The following FAM184B variants were observed in gnomAD, a reference collection of about 807,000 sequenced individuals.
FAM184B encodes the protein family with sequence similarity 184 member B.
Under a neutral mutation model 135.9 loss-of-function variants are expected in FAM184B, and 111 were observed. The ratio of observed to expected loss-of-function variants is 0.82; its 90% CI spans 0.70 to 0.96. FAM184B has a LOEUF of 0.96. Among genes scored for constraint, FAM184B ranks in the 40% least tolerant of loss-of-function variants. FAM184B has a pLI of 0.00. For synonymous variants in FAM184B, 552 were observed against 524.8 expected (o/e 1.05, Z -0.71); for missense variants, 1,375 against 1,323.9 (o/e 1.04, Z -0.60).
intron 9 of FAM184B, among the ~76,000 whole-genome samples, chr4:17,659,734 C>T (rs1715869201): frequency 6.6e-6 from 1 of 152,196 alleles, no homozygotes; most frequent in Non-Finnish European, 1.5e-5. Context: ...GATCTGCCCC[C>T]CTCGGCCTCC....
At chr4:17,708,733 TG>T (rs1717177050) in intron 2 of FAM184B, among the ~76,000 whole-genome samples, 158 bp downstream of exon 2, 2 of 132,012 alleles carry the variant, frequency 1.5e-5, no homozygotes, top group South Asian at 4.9e-4. Context: ...TGTGTGTGTG[TG>T]TGTGTGTGTA....
intron 1 of FAM184B, among the ~76,000 whole-genome samples, chr4:17,762,742 A>G (rs1718574387): frequency 6.6e-6 from 1 of 152,192 alleles, no homozygotes; most frequent in South Asian, 2.1e-4. Flanking sequence ...ATACATCAAA[A>G]TGCCTATAAG....
At chr4:17,678,106 G>A (rs1030180689) in intron 7 of FAM184B, among the ~76,000 whole-genome samples, 1 of 152,072 alleles carries the variant, frequency 6.6e-6, no homozygotes, top group Non-Finnish European at 1.5e-5. Context: ...CCTAAGAACT[G>A]GAACAAAACA....
chr4:17,676,334 C>A (rs149419042), intron 7 of FAM184B, among the ~76,000 whole-genome samples: 1 of 152,116 alleles, frequency 6.6e-6, no homozygotes, highest in Admixed American at 6.6e-5. Context: ...CCATCTTCTA[C>A]GGGCATGGTT....
intron 8 of FAM184B, among the ~76,000 whole-genome samples, chr4:17,662,857 C>T (rs1715951138): frequency 6.6e-6 from 1 of 152,220 alleles, no homozygotes; most frequent in African/African-American, 2.4e-5. Flanking sequence ...AATGGTGTCT[C>T]ACTGTGGTGG....
chr4:17,739,555 G>GTTTTTTTTTTTGTT lies in FAM184B; in HGVS notation c.142-29912_142-29911insAACAAAAAAAAAAA, dbSNP rs1553841418. On this transcript the variant is annotated intron_variant, in intron 1 of 17. Transcript: ENST00000265018. ...CCCTACACCATATGTCATACCAACT[G>GTTTTTTTTTTTGTT]TTTTTTTTTTTTTTTTGAGATGGGG... Among the ~76,000 whole-genome samples, 13 of 62,510 alleles carry GTTTTTTTTTTTGTT rather than the reference G, an allele frequency of 2.1e-4. 2 individuals are homozygous for GTTTTTTTTTTTGTT. Among genetic ancestry groups the GTTTTTTTTTTTGTT allele is most frequent in the Admixed American group, 6.3e-4 (2 of 3,174 alleles). 41.0% of individuals were successfully genotyped at this position (62,510 alleles called of 152,430 possible). A position where few individuals can be genotyped will look rare whatever the true frequency, so the allele number is the denominator to read the frequency against.
At chr4:17,750,678 T>C (rs1718271014) in intron 1 of FAM184B, among the ~76,000 whole-genome samples, 1 of 152,218 alleles carries the variant, frequency 6.6e-6, no homozygotes, top group Non-Finnish European at 1.5e-5. Flanking sequence ...GTCTAAGAAT[T>C]ACCGTTCTAA....
In FAM184B at chr4:17,742,434, G is replaced by A. The variant is rs186755822; in HGVS notation, c.142-32790C>T. ...GAGTGACAGAGCAATGATAACAGAA[G>A]GGCTGGGGTCCCAGCTAAACCCCAC... On this transcript the variant is annotated intron_variant, in intron 1 of 17. Transcript: ENST00000265018. Among the ~76,000 whole-genome samples the A allele has an allele frequency of 5.1e-3, 769 of 152,154 alleles. 4 individuals carry two copies. Among genetic ancestry groups the A allele is most frequent in the African/African-American group, 0.018 (741 of 41,520 alleles).
At position 17,728,032 on chromosome 4, in the gene FAM184B, C is replaced by T. The variant is rs1022493578; in HGVS notation, c.142-18388G>A. 2.6e-5 allele frequency among the ~76,000 whole-genome samples: 4 copies of T among 152,090 alleles called. No homozygotes were observed. In the South Asian group the frequency reaches 6.2e-4, roughly 24 times the overall value. ...ATGGCTCATACTTGTAATCCCAGCACTTTCAAAGGCTGAGGTGGGAGGATC... is the reference window on the plus strand; with the variant it reads ...ATGGCTCATACTTGTAATCCCAGCATTTTCAAAGGCTGAGGTGGGAGGATC... On this transcript the variant is annotated intron_variant, in intron 1 of 17. Transcript: ENST00000265018.
At chr4:17,661,429 G>A (rs1283987364) in intron 8 of FAM184B, among the ~76,000 whole-genome samples, 1 of 152,056 alleles carries the variant, frequency 6.6e-6, no homozygotes, top group African/African-American at 2.4e-5. Context: ...GCAGCCACCT[G>A]TAATCCCAGC....
chr4:17,756,620 T>G (rs892450136), intron 1 of FAM184B, among the ~76,000 whole-genome samples: 7 of 152,100 alleles, frequency 4.6e-5, no homozygotes, highest in Middle Eastern at 3.2e-3. Flanking sequence ...GATAGAAGTG[T>G]TTTAGCTATT....
Position 17,639,343 on chromosome 4 carries a change from C to T in FAM184B, c.2573G>A (p.Arg858His), listed in dbSNP as rs374999361. The T allele has an allele frequency of 1.1e-4, 165 of 1,551,758 alleles. No individual in the cohort carries two copies. The African/African-American group carries it at 1.6e-3, about 15-fold the overall frequency. ...CTGCATCTCCTTCCGGTGTTCCTGG[C>T]GCAGTGTCTCCACCTCCCTGGCCCG... ...AQRAREVETL[R>H]QEHRKEMQAM... The change falls in exon 14 of 18, where the codon CGC becomes CAC. Residue 858 changes from arginine (R) to histidine (H), a missense_variant. Transcript: ENST00000265018.
chr4:17,751,172 G>A (rs1238150545), intron 1 of FAM184B, among the ~76,000 whole-genome samples: 3 of 152,030 alleles, frequency 2.0e-5, no homozygotes, highest in South Asian at 2.1e-4. Flanking sequence ...GCCGGGTGTG[G>A]TGGTGGACAC....
At chr4:17,764,802 C>T (rs571071010) in intron 1 of FAM184B, among the ~76,000 whole-genome samples, 9 of 151,072 alleles carry the variant, frequency 6.0e-5, no homozygotes, top group African/African-American at 1.2e-4. Flanking sequence ...CGGTGGCTCA[C>T]GCCTGTAATC....
chr4:17,721,641 A>G (rs143813791), intron 1 of FAM184B, among the ~76,000 whole-genome samples: 66 of 152,262 alleles, frequency 4.3e-4, no homozygotes, highest in Non-Finnish European at 4.7e-4. Context: ...GCACCATGAC[A>G]TGACGCTGGA....
intron 7 of FAM184B, among the ~76,000 whole-genome samples, chr4:17,673,730 TAAG>T (rs778511301): frequency 2.0e-5 from 3 of 152,094 alleles, no homozygotes; most frequent in Non-Finnish European, 4.4e-5. Context: ...TGCAAAGGCA[TAAG>T]AAGGACACAA....
intron 6 of FAM184B, among the ~76,000 whole-genome samples, chr4:17,692,847 G>T (rs1157099030): frequency 6.6e-6 from 1 of 152,152 alleles, no homozygotes; most frequent in African/African-American, 2.4e-5. Flanking sequence ...CCACGAAAAT[G>T]TGTTAATTTC....
chr4:17,747,799 T>C (rs1718200361), intron 1 of FAM184B, among the ~76,000 whole-genome samples: 1 of 151,504 alleles, frequency 6.6e-6, no homozygotes. Context: ...CGGGCGCCTG[T>C]AGTCCCAGCT....
At chr4:17,742,162 ATATATAT>A (rs1373866807) in intron 1 of FAM184B, among the ~76,000 whole-genome samples, 157 of 3,290 alleles carry the variant, frequency 0.048, no homozygotes, top group Non-Finnish European at 0.089. Flanking sequence ...ATATATATAT[ATATATAT>A]TTTTTTTTTT....
Sources: gnomAD v4.1 joint callset for allele counts (sites outside exome capture counted in the v4.1 genomes callset) on GRCh38, gnomAD v4.1.1 for gene constraint, MANE v1.5 for transcripts, NCBI Gene and HGNC (gene_info 2026-07-23, HGNC 2026-07-21) for gene names.